The following GNG7 variants were observed in gnomAD, a reference collection of about 807,000 sequenced individuals.
GNG7 encodes guanine nucleotide-binding protein G(I)/G(S)/G(O) subunit gamma-7.
A neutral mutation model predicts 4.0 loss-of-function variants in GNG7; 1 was observed. The observed-to-expected ratio is 0.25, with a 90% confidence interval of 0.09 to 1.18. GNG7 has a LOEUF of 1.18. Among genes scored for constraint, GNG7 ranks in the 50% most tolerant of loss-of-function variants. The pLI is 0.50. For synonymous variants in GNG7, 34 were observed against 36.9 expected, an observed-to-expected ratio of 0.92 and a Z score of 0.29; for missense variants, 86 against 91.9, an observed-to-expected ratio of 0.94 and a Z score of 0.26.
At chr19:2,635,947 C>T (rs1320085137) in intron 2 of GNG7, among the ~76,000 whole-genome samples, 2 of 152,190 alleles carry the variant, frequency 1.3e-5, no homozygotes, top group Admixed American at 6.5e-5. Context: ...GTGGTTGTCA[C>T]AACTGGCGGG....
chr19:2,700,536 C>T (rs1252301370), intron 1 of GNG7, among the ~76,000 whole-genome samples: 2 of 152,144 alleles, frequency 1.3e-5, no homozygotes, highest in Non-Finnish European at 2.9e-5. Flanking sequence ...TTCCTTTCCT[C>T]TCCTCTGTGA....
chr19:2,700,868 T>C (rs1048445786), intron 1 of GNG7: 1 of 152,142 alleles, frequency 6.6e-6, no homozygotes, highest in Non-Finnish European at 1.5e-5. Context: ...AACAAGTTTG[T>C]GAACTTGGCA....
intron 1 of GNG7, among the ~76,000 whole-genome samples, chr19:2,664,397 G>T (rs1168565781): frequency 1.3e-5 from 2 of 152,206 alleles, no homozygotes; most frequent in African/African-American, 2.4e-5. Context: ...AGGCGCAGGG[G>T]AGGTGCCGGG....
rs555515287 is a variant in GNG7, at chr19:2,557,541, G to A, written c.-77-2353C>T. 8.3e-4 allele frequency among the ~76,000 whole-genome samples: 127 copies of A among 152,336 alleles called. No homozygotes were observed. Among genetic ancestry groups the A allele is most frequent in the African/African-American group, 2.7e-3 (114 of 41,590 alleles). ...AGACTCAGAGGCTCCGCCTGGCCGGGTCAGCGAATGGAGTTGTAGCACCGT... is the reference window on the plus strand; with the variant it reads ...AGACTCAGAGGCTCCGCCTGGCCGGATCAGCGAATGGAGTTGTAGCACCGT... On this transcript the variant is annotated intron_variant, in intron 2 of 4. Coordinates refer to ENST00000382159, the MANE Select transcript of GNG7 (RefSeq NM_052847.3). The surrounding 1 kb of genome is among the most constrained non-coding windows in gnomAD (Gnocchi z 5.1).
chr19:2,679,632 C>T (rs1983681203), intron 1 of GNG7, among the ~76,000 whole-genome samples: 2 of 152,164 alleles, frequency 1.3e-5, no homozygotes, highest in South Asian at 2.1e-4. Context: ...CTCTAGAAGG[C>T]TCTGGGAGTT....
chr19:2,675,697 C>T (rs75643307), intron 1 of GNG7, among the ~76,000 whole-genome samples: 10,125 of 151,932 alleles, frequency 0.067, 436 homozygotes, highest in Middle Eastern at 0.17. Flanking sequence ...CTCAATGGGG[C>T]GGGGGAGGTC....
In GNG7 at chr19:2,553,259, CA is replaced by C. The variant is rs1409143004; in HGVS notation, c.-38+1889del. Among the ~76,000 whole-genome samples the C allele has an allele frequency of 5.3e-5, 8 of 151,236 alleles. 1 individual carries two copies. The highest frequency in any genetic ancestry group is 1.3e-4 in the Admixed American group (2 of 15,158). On this transcript the variant is annotated intron_variant, in intron 3 of 4. Transcript: ENST00000382159. ...GGTAGCATTATGAACCAGTGTGTGA[CA>C]TCCAATTAGGTAATCTACACGAAAT...
rs149620587 is a variant in GNG7 at position 2,615,715 on chromosome 19, G to A, written c.-78+30509C>T. ...CCTGACCTCATGATCTGCCCGCCTC[G>A]GCCTCCCAAAGTGCTGGGATTACAG... On this transcript the variant is annotated intron_variant, in intron 2 of 4. Coordinates refer to ENST00000382159, the MANE Select transcript of GNG7 (RefSeq NM_052847.3). Among the ~76,000 whole-genome samples, 618 of 151,694 alleles carry A rather than the reference G, an allele frequency of 4.1e-3. 5 individuals carry two copies. Among genetic ancestry groups the A allele is most frequent in the African/African-American group, 0.014 (583 of 41,370 alleles).
chr19:2,550,778 G>A (rs895047045), intron 3 of GNG7, among the ~76,000 whole-genome samples: 1 of 152,218 alleles, frequency 6.6e-6, no homozygotes, highest in African/African-American at 2.4e-5. Context: ...GGGACAATGA[G>A]CCCTGCTCCC....
intron 3 of GNG7, among the ~76,000 whole-genome samples, chr19:2,529,801 G>A (rs1427674480): frequency 1.3e-5 from 2 of 152,120 alleles, no homozygotes; most frequent in Non-Finnish European, 2.9e-5. Context: ...CAAGGGATAA[G>A]GGCTGACACC....
chr19:2,658,218 C>T (rs563769019), intron 1 of GNG7, among the ~76,000 whole-genome samples: 5 of 152,220 alleles, frequency 3.3e-5, no homozygotes, highest in East Asian at 1.9e-4. Flanking sequence ...AGTTCTCAAA[C>T]GCCCCTCACC....
chr19:2,554,468 T>C (rs1027031287), intron 3 of GNG7, among the ~76,000 whole-genome samples: 2 of 149,426 alleles, frequency 1.3e-5, no homozygotes, highest in African/African-American at 4.9e-5. Context: ...CTCAGCCTCC[T>C]GAGTAGCTGG....
rs558709940 is a variant in GNG7, at chr19:2,639,190, C to T, written c.-78+7034G>A. 1.1e-4 allele frequency among the ~76,000 whole-genome samples: 17 copies of T among 151,274 alleles called. No individual in the cohort carries two copies. In the East Asian group the frequency reaches 1.4e-3, roughly 12 times the overall value. On this transcript the variant is annotated intron_variant, in intron 2 of 4. Coordinates refer to ENST00000382159, the MANE Select transcript of GNG7 (RefSeq NM_052847.3). ...AGGAGGTGGCAGTGAACCAAGATCG[C>T]GCCACTGCACTCCAGCCTGGACAAC...
At chr19:2,561,714 T>TAA (rs370642587) in intron 2 of GNG7, among the ~76,000 whole-genome samples, 6,169 of 136,726 alleles carry the variant, frequency 0.045, 397 homozygotes, top group African/African-American at 0.14. Flanking sequence ...CCGTCTCTAC[T>TAA]AAAAAAAAAA....
chr19:2,560,649 G>A lies in GNG7; in HGVS notation c.-77-5461C>T, dbSNP rs374667347. Among the ~76,000 whole-genome samples, 40 of 152,198 alleles carry A rather than the reference G, an allele frequency of 2.6e-4. No individual in the cohort carries two copies. The East Asian group carries it at 6.4e-3, about 24-fold the overall frequency. On this transcript the variant is annotated intron_variant, in intron 2 of 4. Coordinates refer to ENST00000382159, the MANE Select transcript of GNG7 (RefSeq NM_052847.3). ...CCCCGATGTCCACAGGGCCTGGGGG[G>A]ACCCTGAATTCATTATTTGGAAAAA... is the stretch of plus-strand genomic sequence containing the variant.
chr19:2,553,676 T>C (rs932669829), intron 3 of GNG7, among the ~76,000 whole-genome samples: 8 of 143,466 alleles, frequency 5.6e-5, no homozygotes, highest in Admixed American at 1.4e-4. Context: ...TTACATGTAA[T>C]ATGTTATATT....
At chr19:2,547,315 T>A (rs1371467620) in intron 3 of GNG7, among the ~76,000 whole-genome samples, 1 of 151,982 alleles carries the variant, frequency 6.6e-6, no homozygotes, top group Non-Finnish European at 1.5e-5. Context: ...TGGTTTAAAA[T>A]CAAGGCACAG....
At chr19:2,572,456 G>A (rs540588797) in intron 2 of GNG7, among the ~76,000 whole-genome samples, 21 of 151,714 alleles carry the variant, frequency 1.4e-4, no homozygotes, top group African/African-American at 4.1e-4. Context: ...TTTTTGAGAC[G>A]GAGTCTCGCT....
chr19:2,693,443 A>G (rs568365970), intron 1 of GNG7, among the ~76,000 whole-genome samples: 1 of 151,958 alleles, frequency 6.6e-6, no homozygotes, highest in South Asian at 2.1e-4. Context: ...AAGAAAGAAA[A>G]AAAGAAAGAA....
Sources: allele counts gnomAD v4.1 joint callset (sites outside exome capture counted in the v4.1 genomes callset), GRCh38; gene constraint gnomAD v4.1.1; non-coding constraint Gnocchi (gnomAD v3.1); transcripts MANE v1.5; gene names NCBI Gene and HGNC (gene_info 2026-07-23, HGNC 2026-07-21).